CDH23: variants seen among roughly 807,000 people sequenced by gnomAD.
CDH23 encodes cadherin-23.
CDH23 carries 189 observed loss-of-function variants against 317.1 expected under a neutral mutation model. That is an observed-to-expected ratio of 0.60 (90% confidence interval 0.53 to 0.67). The LOEUF (loss-of-function observed/expected upper bound fraction) is 0.67. Ranked by LOEUF, CDH23 falls within the 30% of genes least tolerant of loss-of-function variation. The pLI is 0.00. For synonymous variants in CDH23, 1,839 were observed against 1,876.8 expected, an observed-to-expected ratio of 0.98 and a Z score of 0.52; for missense variants, 4,401 against 4,592.4, an observed-to-expected ratio of 0.96 and a Z score of 1.20.
In CDH23 at chr10:71,760,704, A is replaced by C. The variant is rs1840357556; in HGVS notation, c.4846-16976A>C. On this transcript the variant is annotated intron_variant, in intron 38 of 69. Transcript: ENST00000224721. ...AGGAGAGTGGGCTTCTGGGGATTGC[A>C]CCAAGGAGGAAGCAGAAGGGATGTG... is the stretch of plus-strand genomic sequence containing the variant. 3 of 673,510 alleles carry C rather than the reference A, an allele frequency of 4.5e-6. No homozygotes were observed. The East Asian group carries it at 7.8e-5, about 18-fold the overall frequency. The allele number at this position is 673,510 out of a possible 1,614,324, so 41.7% of individuals were successfully genotyped here. A position where few individuals can be genotyped will look rare whatever the true frequency, so the allele number is the denominator to read the frequency against.
At chr10:71,760,885 G>A in intron 38 of CDH23, 1 of 1,613,754 alleles carries the variant, frequency 6.2e-7, no homozygotes, top group Non-Finnish European at 8.5e-7. Flanking sequence ...ATCCTGGGAG[G>A]AGGATGGGTA....
At chr10:71,738,768 C>A in intron 35 of CDH23, 121 bp downstream of exon 35, 2 of 1,224,154 alleles carry the variant, frequency 1.6e-6, no homozygotes, top group Non-Finnish European at 2.3e-6. Context: ...CCGGTCTCTG[C>A]CCCTGCAATC....
intron 3 of CDH23, among the ~76,000 whole-genome samples, chr10:71,469,759 C>T (rs1477228966): frequency 6.6e-6 from 1 of 152,146 alleles, no homozygotes; most frequent in Non-Finnish European, 1.5e-5. Context: ...GCGTGTGCTG[C>T]ATGCCCAGCT....
chr10:71,621,776 T>A (rs1861476735), intron 11 of CDH23, among the ~76,000 whole-genome samples: 1 of 152,234 alleles, frequency 6.6e-6, no homozygotes, highest in Admixed American at 6.5e-5. Flanking sequence ...AGTCTCTCAC[T>A]GAGTCTCAGA....
chr10:71,777,941 C>T (rs779136137), intron 39 of CDH23, 40 bp downstream of exon 39: 1 of 1,604,722 alleles, frequency 6.2e-7, no homozygotes, highest in South Asian at 1.1e-5. Context: ...GGGGCGAAAC[C>T]TATCCAGGGA....
Position 71,593,426 on chromosome 10 carries a change from C to T in CDH23, c.832+15434C>T, listed in dbSNP as rs573969677. Among the ~76,000 whole-genome samples the T allele has an allele frequency of 2.6e-5, 4 of 152,298 alleles. No homozygotes were observed. In the East Asian group the frequency reaches 7.7e-4, roughly 29 times the overall value. ...TTCGTGACCTTGTAGTAGGAAAGGA[C>T]TTCTCGGCACCCCCGGAGCACATGC... On this transcript the variant is annotated intron_variant, in intron 9 of 69. Coordinates refer to ENST00000224721, the MANE Select transcript of CDH23 (RefSeq NM_022124.6).
chr10:71,557,662 T>C (rs563318205), intron 6 of CDH23, among the ~76,000 whole-genome samples: 1 of 152,222 alleles, frequency 6.6e-6, no homozygotes, highest in Non-Finnish European at 1.5e-5. Context: ...AGTTTGGCTG[T>C]GTATAGAATT....
At chr10:71,553,161 T>C (rs1259178674) in intron 6 of CDH23, among the ~76,000 whole-genome samples, 2 of 152,132 alleles carry the variant, frequency 1.3e-5, no homozygotes, top group African/African-American at 4.8e-5. Context: ...CAGCCAGGGG[T>C]GTGAACCATT....
At chr10:71,795,621 C>A in intron 48 of CDH23, 1 of 193,290 alleles carries the variant, frequency 5.2e-6, no homozygotes, top group Non-Finnish European at 9.5e-6. Context: ...AGCCCCTGAG[C>A]TCTCCACTCC....
At position 71,760,121 on chromosome 10, in the gene CDH23, GTA is replaced by G. The variant is rs200096095; in HGVS notation, c.4846-17551_4846-17550del. Among the ~76,000 whole-genome samples the G allele has an allele frequency of 9.6e-5, 6 of 62,454 alleles. 1 individual carries two copies. Among genetic ancestry groups the G allele is most frequent in the East Asian group, 3.9e-4 (1 of 2,584 alleles). 41.0% of individuals were successfully genotyped at this position (62,454 alleles called of 152,430 possible). A position where few individuals can be genotyped will look rare whatever the true frequency, so the allele number is the denominator to read the frequency against. ...CACACACATACATACATATATGTGT[GTA>G]TATATATGTATATACATATATATGT... On this transcript the variant is annotated intron_variant, in intron 38 of 69. Coordinates refer to ENST00000224721, the MANE Select transcript of CDH23 (RefSeq NM_022124.6).
chr10:71,735,646 A>G (rs1210578259), intron 34 of CDH23, among the ~76,000 whole-genome samples: 4 of 152,220 alleles, frequency 2.6e-5, no homozygotes, highest in Admixed American at 6.5e-5. Context: ...ACATTAACCT[A>G]AAAAAGCTAG....
intron 51 of CDH23, 74 bp downstream of exon 51, chr10:71,799,354 C>T: frequency 1.2e-6 from 2 of 1,608,088 alleles, no homozygotes; most frequent in Non-Finnish European, 1.7e-6. Context: ...CTTCCTCTCC[C>T]ACCCTGCCAG....
chr10:71,779,311 C>G lies in CDH23; in HGVS notation c.5232C>G (p.Phe1744Leu). 6.2e-7 allele frequency: 1 copy of G among 1,614,020 alleles called. No individual in the cohort carries two copies. Among genetic ancestry groups the G allele is most frequent in the East Asian group, 2.2e-5 (1 of 44,888 alleles). Residue 1744 changes from phenylalanine to leucine, a missense_variant, in exon 41 of 70, where the codon TTC becomes TTG. Physicochemically the swap from Phe to Leu is conservative, Grantham distance 22. Around this residue, in one of 3 missense-constraint regions of CDH23, gnomAD observed 3,068 missense variants for 3,203.3 expected, o/e 0.96. Transcript: ENST00000224721. ...VNDINDNVPT[F>L]PRDYEGPFEV... ...ACATCAACGACAATGTGCCTACCTT[C>G]CCCCGGGACTATGAGGGACCATTTG...
chr10:71,785,879 G>A lies in CDH23; in HGVS notation c.5820+141G>A, dbSNP rs1426843265. On this transcript the variant is annotated intron_variant, in intron 44 of 69. Transcript: ENST00000224721. Reference sequence around the variant, plus strand: ...GAGCACGTGCTGGCTTCAAATCCCAGTTCTCTCCTTCAGTAGGTGCGTGGC... The same window carrying A: ...GAGCACGTGCTGGCTTCAAATCCCAATTCTCTCCTTCAGTAGGTGCGTGGC... The A allele has an allele frequency of 2.1e-5, 14 of 681,554 alleles. No individual in the cohort carries two copies. In the Admixed American group the frequency reaches 2.7e-4, roughly 13 times the overall value. The allele number at this position is 681,554 out of a possible 1,614,324, so 42.2% of individuals were successfully genotyped here.
intron 9 of CDH23, among the ~76,000 whole-genome samples, chr10:71,608,026 A>T (rs1415237857): frequency 3.3e-5 from 5 of 152,236 alleles, no homozygotes; most frequent in Admixed American, 3.3e-4. Flanking sequence ...CCTGATGCTC[A>T]CACAGCCTGG....
chr10:71,601,909 C>A (rs936841059), intron 9 of CDH23, among the ~76,000 whole-genome samples: 2 of 148,508 alleles, frequency 1.3e-5, no homozygotes, highest in African/African-American at 4.9e-5. Context: ...CCAGGCAGAT[C>A]TCTGTTCTCC....
At chr10:71,753,763 G>A in intron 38 of CDH23, 1 of 456,396 alleles carries the variant, frequency 2.2e-6, no homozygotes, top group South Asian at 1.5e-5. Flanking sequence ...TGATTACGAT[G>A]GGGAAACAGA....
chr10:71,741,081 C>A, intron 37 of CDH23, 131 bp downstream of exon 37: 1 of 1,076,060 alleles, frequency 9.3e-7, no homozygotes, highest in Non-Finnish European at 1.4e-6. Context: ...GGAACTGTGG[C>A]TCATTCGTAG....
At chr10:71,637,338 C>G (rs1862324672) in intron 11 of CDH23, among the ~76,000 whole-genome samples, 1 of 152,090 alleles carries the variant, frequency 6.6e-6, no homozygotes, top group Non-Finnish European at 1.5e-5. Flanking sequence ...GTCTAGAAAT[C>G]AGCTCCTTCC....
Sources: allele counts gnomAD v4.1 joint callset (sites outside exome capture counted in the v4.1 genomes callset), GRCh38; gene constraint gnomAD v4.1.1; regional missense constraint gnomAD v4.1.1; transcripts MANE v1.5; gene names NCBI Gene and HGNC (gene_info 2026-07-23, HGNC 2026-07-21).